NFATC3: variants seen among roughly 807,000 people sequenced by gnomAD.
NFATC3 encodes the protein nuclear factor of activated T-cells, cytoplasmic 3.
NFATC3 carries 46 observed loss-of-function variants against 98.6 expected under a neutral mutation model. That is an observed-to-expected ratio of 0.47 (90% confidence interval 0.37 to 0.60). The LOEUF (loss-of-function observed/expected upper bound fraction) is 0.60. Ranked by LOEUF, NFATC3 falls within the 20% of genes least tolerant of loss-of-function variation. The probability of loss-of-function intolerance (pLI) is 0.00; values close to 1 mark genes in which losing one functional copy is unlikely to be tolerated. For missense variants in NFATC3, 1,256 were observed against 1,295.5 expected (o/e 0.97, Z 0.47); for synonymous variants, 512 against 472.2 (o/e 1.08, Z -1.09).
chr16:68,213,323 G>A (rs943655296), intron 9 of NFATC3, among the ~76,000 whole-genome samples: 1 of 151,478 alleles, frequency 6.6e-6, no homozygotes, highest in East Asian at 2.0e-4. Context: ...GCTGAGGCAG[G>A]AGAATGGCGT....
intron 1 of NFATC3, among the ~76,000 whole-genome samples, chr16:68,092,329 C>T (rs900248073): frequency 4.0e-4 from 61 of 151,082 alleles, no homozygotes; most frequent in African/African-American, 1.2e-3. Flanking sequence ...TGGTGGCGGG[C>T]GCTGTAATCC....
At chr16:68,138,546 T>C in intron 3 of NFATC3, 1 of 1,288,898 alleles carries the variant, frequency 7.8e-7, no homozygotes, top group Non-Finnish European at 1.0e-6. Context: ...ATGTCGTCTT[T>C]GATGCACAGC....
At chr16:68,128,753 G>A (rs1415449228) in intron 3 of NFATC3, among the ~76,000 whole-genome samples, 2 of 152,090 alleles carry the variant, frequency 1.3e-5, no homozygotes, top group African/African-American at 4.8e-5. Context: ...ATTCAGGGCT[G>A]TGGTGTATGA....
In NFATC3 at chr16:68,183,301, T is replaced by C; in HGVS notation, c.2033T>C (p.Val678Ala). Residue 678 changes from valine (V) to alanine (A), a missense_variant, in exon 8 of 10, where the codon GTG becomes GCG. Transcript: ENST00000346183. Reference sequence around the variant, plus strand: ...CCAGCAGTTACAGCTGCAGTGCAGGTGCACTTTTATCTTTGCAATGGCAAG... The same window carrying C: ...CCAGCAGTTACAGCTGCAGTGCAGGCGCACTTTTATCTTTGCAATGGCAAG... The part of the protein sequence containing the change: ...HNPAVTAAVQ[V>A]HFYLCNGKRK... 5 of 1,613,116 alleles carry C rather than the reference T, an allele frequency of 3.1e-6. No homozygotes were observed. Among genetic ancestry groups the C allele is most frequent in the Non-Finnish European group, 4.2e-6 (5 of 1,179,742 alleles).
At chr16:68,201,051 C>T (rs1282996738) in intron 9 of NFATC3, 2 of 151,898 alleles carry the variant, frequency 1.3e-5, no homozygotes, top group African/African-American at 2.4e-5. Flanking sequence ...CATGCCTCAG[C>T]CTCCCGAGTA....
chr16:68,192,230 A>C (rs56114685), intron 9 of NFATC3: 1 of 82,600 alleles, frequency 1.2e-5, no homozygotes. Flanking sequence ...AAAAAAAAAA[A>C]ATATATATAT....
In NFATC3 at chr16:68,134,684, T is replaced by C. The variant is rs2037294684; in HGVS notation, c.1401+8074T>C. 2.6e-5 allele frequency among the ~76,000 whole-genome samples: 4 copies of C among 152,174 alleles called. 1 individual carries two copies. In the South Asian group the frequency reaches 8.3e-4, roughly 32 times the overall value. ...GATTCATAGTTGTGCCATTAAGTAA[T>C]TTGCTAGGGTTTGTTTTGGGGTTTT... is the stretch of plus-strand genomic sequence containing the variant. On this transcript the variant is annotated intron_variant, in intron 3 of 9. Coordinates refer to ENST00000346183, the MANE Select transcript of NFATC3 (RefSeq NM_173165.3).
chr16:68,186,084 A>G (rs1201084678), intron 8 of NFATC3, among the ~76,000 whole-genome samples: 2 of 152,138 alleles, frequency 1.3e-5, no homozygotes, highest in Non-Finnish European at 2.9e-5. Context: ...TAACAGAAGA[A>G]TAGACACACA....
intron 5 of NFATC3, among the ~76,000 whole-genome samples, chr16:68,169,940 AAAAG>A (rs1413680602): frequency 2.0e-5 from 3 of 152,132 alleles, no homozygotes; most frequent in Admixed American, 6.6e-5. Flanking sequence ...ACTCCATCTC[AAAAG>A]AAAGAAAGGA....
intron 9 of NFATC3, among the ~76,000 whole-genome samples, chr16:68,197,607 T>C (rs2040731133): frequency 6.6e-6 from 1 of 151,732 alleles, no homozygotes; most frequent in Non-Finnish European, 1.5e-5. Context: ...AAGTGAGTCA[T>C]AGAACATACC....
chr16:68,102,331 T>A (rs1598360990), intron 1 of NFATC3, among the ~76,000 whole-genome samples: 1 of 122,112 alleles, frequency 8.2e-6, no homozygotes, highest in Middle Eastern at 8.3e-3. Context: ...GAGATTGCAC[T>A]ACTGCACTCC....
chr16:68,181,651 C>T, intron 7 of NFATC3, 121 bp downstream of exon 7: 1 of 695,700 alleles, frequency 1.4e-6, no homozygotes, highest in Non-Finnish European at 2.4e-6. Flanking sequence ...TAAAATTAGG[C>T]TGGGCATGGT....
intron 1 of NFATC3, among the ~76,000 whole-genome samples, chr16:68,093,123 C>T (rs192278594): frequency 3.5e-4 from 54 of 152,316 alleles, no homozygotes; most frequent in Middle Eastern, 3.4e-3. Context: ...AAGCTCATCA[C>T]CTTTATTCAT....
intron 3 of NFATC3, among the ~76,000 whole-genome samples, chr16:68,154,244 C>T (rs1174585584): frequency 6.6e-6 from 1 of 152,054 alleles, no homozygotes; most frequent in Non-Finnish European, 1.5e-5. Context: ...CTAGTGATAC[C>T]ATCATTCTCC....
At chr16:68,113,972 C>G (rs1407957076) in intron 1 of NFATC3, among the ~76,000 whole-genome samples, 1 of 152,210 alleles carries the variant, frequency 6.6e-6, no homozygotes, top group East Asian at 1.9e-4. Flanking sequence ...GCGACTGCCC[C>G]TTTCCGTGGG....
chr16:68,122,609 C>T lies in NFATC3; in HGVS notation c.726C>T (p.Cys242=), dbSNP rs1406523408. The T allele has an allele frequency of 1.2e-6, 2 of 1,614,002 alleles. No homozygotes were observed. The highest frequency in any genetic ancestry group is 2.7e-5 in the African/African-American group (2 of 74,894). ...CATTATCACCCAGGCAATCTCCTTG[C>T]CACTCTCCTAGATCCAGTGTCACTG... is the stretch of plus-strand genomic sequence containing the variant. ...GHSLSPRQSP[C]HSPRSSVTDE... is the part of the protein sequence containing the mutation. The change falls in exon 2 of 10, where the codon TGC becomes TGT. Residue 242 remains cysteine (C), a synonymous_variant. Coordinates refer to ENST00000346183, the MANE Select transcript of NFATC3 (RefSeq NM_173165.3).
intron 4 of NFATC3, among the ~76,000 whole-genome samples, chr16:68,158,275 AGCCAAG>A (rs1333549191): frequency 6.6e-6 from 1 of 152,194 alleles, no homozygotes; most frequent in Non-Finnish European, 1.5e-5. Flanking sequence ...ATATATTACC[AGCCAAG>A]CCATTATCCT....
At chr16:68,176,033 C>T (rs565778431) in intron 6 of NFATC3, among the ~76,000 whole-genome samples, 11 of 151,874 alleles carry the variant, frequency 7.2e-5, no homozygotes, top group East Asian at 2.0e-4. Flanking sequence ...GGCTGGAGTG[C>T]GGTGGCACTA....
rs200628366 is a variant in NFATC3 at position 68,184,806 on chromosome 16, AAAACAAAC to A, written c.2098+1464_2098+1471del. 7.5e-4 allele frequency among the ~76,000 whole-genome samples: 113 copies of A among 150,870 alleles called. 1 individual carries two copies. The highest frequency in any genetic ancestry group is 2.1e-3 in the South Asian group (10 of 4,744). On this transcript the variant is annotated intron_variant, in intron 8 of 9. Coordinates refer to ENST00000346183, the MANE Select transcript of NFATC3 (RefSeq NM_173165.3). ...GCAACAGAGCGAGACTCTGTCTCAA[AAAACAAAC>A]AAACAAACAAACAAACAAACAAAAA...
Sources: allele counts gnomAD v4.1 joint callset (sites outside exome capture counted in the v4.1 genomes callset), GRCh38; gene constraint gnomAD v4.1.1; transcripts MANE v1.5; gene names NCBI Gene and HGNC (gene_info 2026-07-23, HGNC 2026-07-21).